Variants in ACSM3 observed in about 807,000 individuals in gnomAD.
ACSM3 encodes the protein acyl-CoA synthetase medium chain family member 3.
A neutral mutation model predicts 74.1 loss-of-function variants in ACSM3; 61 were observed. That is an observed-to-expected ratio of 0.82 (90% confidence interval 0.67 to 1.02). ACSM3 has a LOEUF of 1.02. Ranked by LOEUF, ACSM3 falls within the 50% of genes least tolerant of loss-of-function variation. ACSM3 has a pLI of 0.00. For synonymous variants in ACSM3, 213 were observed against 241.5 expected (o/e 0.88, Z 1.09); for missense variants, 660 against 697.0 (o/e 0.95, Z 0.60).
chr16:20,746,681 A>G (rs2107231), intron 1 of ACSM3, among the ~76,000 whole-genome samples: 103,979 of 151,994 alleles, frequency 0.68, 36,024 homozygotes, highest in Non-Finnish European at 0.73. Flanking sequence ...CAGCCTGATC[A>G]CCCAGGCTGG....
chr16:20,676,699 T>C (rs796314725), intron 1 of ACSM3, among the ~76,000 whole-genome samples: 3 of 152,132 alleles, frequency 2.0e-5, no homozygotes, highest in Non-Finnish European at 4.4e-5. Flanking sequence ...GGAGGCATGG[T>C]CGTGGGCGTG....
intron 1 of ACSM3, chr16:20,736,816 G>T: frequency 6.6e-7 from 1 of 1,525,796 alleles, no homozygotes; most frequent in South Asian, 1.2e-5. Flanking sequence ...AATTTAAGGT[G>T]GAGCCCCAGC....
At chr16:20,698,658 G>A (rs564060756) in intron 1 of ACSM3, among the ~76,000 whole-genome samples, 141 of 152,072 alleles carry the variant, frequency 9.3e-4, no homozygotes, top group African/African-American at 2.5e-3. Flanking sequence ...ATAGGTGCCC[G>A]CCACCACACC....
At chr16:20,759,332 C>T (rs1374817400), upstream of ACSM3, among the ~76,000 whole-genome samples, 5 of 151,958 alleles carry the variant, frequency 3.3e-5, no homozygotes, top group Admixed American at 2.6e-4. Context: ...CTGAGGTGGG[C>T]GGATCATGAG....
chr16:20,720,521 T>C (rs1176587005), intron 1 of ACSM3, among the ~76,000 whole-genome samples: 1 of 152,186 alleles, frequency 6.6e-6, no homozygotes, highest in Non-Finnish European at 1.5e-5. Context: ...CTTTGCACAC[T>C]AGCCTTGCCA....
At chr16:20,686,502 G>A (rs1215279420) in intron 1 of ACSM3, among the ~76,000 whole-genome samples, 1 of 152,122 alleles carries the variant, frequency 6.6e-6, no homozygotes, top group Non-Finnish European at 1.5e-5. Flanking sequence ...GAGAGCATTA[G>A]GACAAATAGC....
intron 1 of ACSM3, chr16:20,727,394 C>T: frequency 3.5e-6 from 2 of 570,088 alleles, no homozygotes; most frequent in South Asian, 1.4e-5. Flanking sequence ...AGGCCCTCAC[C>T]CCGGAGGTGC....
intron 1 of ACSM3, chr16:20,733,571 T>C (rs2079843985): frequency 6.6e-6 from 1 of 152,020 alleles, no homozygotes; most frequent in African/African-American, 2.4e-5. Context: ...CATTTTATAA[T>C]TTGACATATA....
intron 1 of ACSM3, among the ~76,000 whole-genome samples, chr16:20,694,681 A>G (rs1405163094): frequency 1.3e-5 from 2 of 152,222 alleles, no homozygotes; most frequent in Non-Finnish European, 2.9e-5. Flanking sequence ...TAGTGAGGGA[A>G]TCCATTAACC....
At chr16:20,704,332 T>C (rs1343187323) in intron 1 of ACSM3, among the ~76,000 whole-genome samples, 3 of 152,234 alleles carry the variant, frequency 2.0e-5, no homozygotes, top group African/African-American at 7.2e-5. Flanking sequence ...TTCAAGATTT[T>C]TAGCTACTGC....
intron 1 of ACSM3, among the ~76,000 whole-genome samples, chr16:20,700,674 T>C (rs1182487581): frequency 6.6e-6 from 1 of 151,936 alleles, no homozygotes; most frequent in Admixed American, 6.6e-5. Flanking sequence ...GAGTTTGGAT[T>C]CTATTCTAAG....
chr16:20,763,909 A>G (rs896439301), upstream of ACSM3: 3 of 152,224 alleles, frequency 2.0e-5, no homozygotes, highest in African/African-American at 7.2e-5. Flanking sequence ...GGAGTCCTGT[A>G]AACTTTAGCC....
chr16:20,786,682 C>A (rs2080481240), intron 9 of ACSM3, among the ~76,000 whole-genome samples: 1 of 152,116 alleles, frequency 6.6e-6, no homozygotes, highest in Admixed American at 6.6e-5. Context: ...GACCCTGTCT[C>A]TAAATAAATA....
At chr16:20,748,707 T>C (rs898093327) in intron 1 of ACSM3, among the ~76,000 whole-genome samples, 1 of 152,196 alleles carries the variant, frequency 6.6e-6, no homozygotes, top group African/African-American at 2.4e-5. Flanking sequence ...AGCCACTTCT[T>C]GCTGGTTCTC....
At position 20,683,973 on chromosome 16, in the gene ACSM3, G is replaced by A. The variant is rs568380656; in HGVS notation, c.-190+9151G>A. Among the ~76,000 whole-genome samples the A allele has an allele frequency of 9.9e-5, 15 of 152,142 alleles. No homozygotes were observed. In the East Asian group the frequency reaches 2.5e-3, roughly 25 times the overall value. ...ATTACTTCTTGATTTCACATGATCTGGCTGAATGAATCACCTATTTTATTT... is the reference window on the plus strand; with the variant it reads ...ATTACTTCTTGATTTCACATGATCTAGCTGAATGAATCACCTATTTTATTT... On this transcript the variant is annotated intron_variant, in intron 1 of 3. Transcript: ENST00000561584.
intron 4 of ACSM3, chr16:20,780,468 T>C (rs1292151639): frequency 2.4e-5 from 17 of 710,086 alleles, no homozygotes; most frequent in Non-Finnish European, 3.4e-5. Context: ...TTCTTTATCA[T>C]AGAATAAAAA....
chr16:20,702,448 G>A (rs1357568858), intron 1 of ACSM3, among the ~76,000 whole-genome samples: 7 of 152,162 alleles, frequency 4.6e-5, no homozygotes, highest in Non-Finnish European at 7.3e-5. Flanking sequence ...TCCTGACCTC[G>A]TGATCTGCCC....
intron 1 of ACSM3, among the ~76,000 whole-genome samples, chr16:20,713,085 C>T (rs1375383258): frequency 2.6e-5 from 4 of 152,136 alleles, no homozygotes; most frequent in Admixed American, 1.3e-4. Context: ...GTGAATATTG[C>T]TTGTGTCTTT....
At chr16:20,717,281 C>T (rs766134793) in intron 1 of ACSM3, among the ~76,000 whole-genome samples, 1 of 152,204 alleles carries the variant, frequency 6.6e-6, no homozygotes, top group African/African-American at 2.4e-5. Flanking sequence ...GTCCATACTG[C>T]ATCATGTGCC....
Sources: allele counts gnomAD v4.1 joint callset (sites outside exome capture counted in the v4.1 genomes callset), GRCh38; gene constraint gnomAD v4.1.1; transcripts MANE v1.5; gene names NCBI Gene and HGNC (gene_info 2026-07-23, HGNC 2026-07-21).